Variants in GULP1 observed in about 807,000 individuals in gnomAD.
GULP1 encodes PTB domain-containing engulfment adapter protein 1.
GULP1 carries 19 observed loss-of-function variants against 40.9 expected under a neutral mutation model. The observed-to-expected ratio is 0.46, with a 90% CI of 0.32 to 0.68. The LOEUF (loss-of-function observed/expected upper bound fraction) is 0.68. Ranked by LOEUF, GULP1 falls within the 30% of genes least tolerant of loss-of-function variation. The probability of loss-of-function intolerance (pLI) is 0.03; values close to 1 mark genes in which losing one functional copy is unlikely to be tolerated. For missense variants in GULP1, 312 were observed against 362.2 expected, an observed-to-expected ratio of 0.86 and a Z score of 1.12; for synonymous variants, 119 against 117.6, an observed-to-expected ratio of 1.01 and a Z score of -0.08.
intron 2 of GULP1, among the ~76,000 whole-genome samples, chr2:188,444,383 A>C (rs1156296686): frequency 6.6e-6 from 1 of 152,218 alleles, no homozygotes; most frequent in Non-Finnish European, 1.5e-5. Flanking sequence ...CATGATAAAT[A>C]TGTACAATTT....
In GULP1 at chr2:188,595,689, TCAATGGTAACA is replaced by T. The variant is rs1208863854; in HGVS notation, c.*1685_*1695del. The T allele has an allele frequency of 3.9e-5, 6 of 152,202 alleles. No individual in the cohort carries two copies. Among genetic ancestry groups the T allele is most frequent in the African/African-American group, 1.4e-4 (6 of 41,416 alleles). The allele number at this position is 152,202 out of a possible 1,614,324, so 9.4% of individuals were successfully genotyped here. On this transcript the variant is annotated 3_prime_UTR_variant, in exon 12 of 12. Coordinates refer to ENST00000409830, the MANE Select transcript of GULP1 (RefSeq NM_016315.4). ...GTATATATTTAGTGGCCATTTATTA[TCAATGGTAACA>T]CAATGGAGTACTAAGATGGTATTTG...
At position 188,316,494 on chromosome 2, in the gene GULP1, C is replaced by G. The variant is rs189627239; in HGVS notation, c.-172+24328C>G. Among the ~76,000 whole-genome samples, 370 of 152,252 alleles carry G rather than the reference C, an allele frequency of 2.4e-3. 1 individual carries two copies. Among genetic ancestry groups the G allele is most frequent in the African/African-American group, 7.9e-3 (329 of 41,564 alleles). ...ATTTCATATAAAGGAAGAGTAATTA[C>G]TTGGGAAGTCCCACATGGTATGGCC... is the stretch of plus-strand genomic sequence containing the variant. On this transcript the variant is annotated intron_variant, in intron 1 of 11. Transcript: ENST00000409830.
intron 4 of GULP1, among the ~76,000 whole-genome samples, chr2:188,519,813 C>A: frequency 6.6e-6 from 1 of 151,336 alleles, no homozygotes; most frequent in East Asian, 1.9e-4. Flanking sequence ...GATTCTTTCT[C>A]TTTTTTTTTA....
chr2:188,553,781 C>T (rs1017684610), intron 7 of GULP1, among the ~76,000 whole-genome samples: 1 of 151,878 alleles, frequency 6.6e-6, no homozygotes, highest in East Asian at 1.9e-4. Flanking sequence ...CATCTAGTCC[C>T]GAGCTTTTCT....
At chr2:188,396,866 T>C (rs1342550035) in intron 2 of GULP1, among the ~76,000 whole-genome samples, 1 of 152,238 alleles carries the variant, frequency 6.6e-6, no homozygotes, top group Non-Finnish European at 1.5e-5. Context: ...TGCTGGAGAC[T>C]GGGAATGCAC....
intron 2 of GULP1, among the ~76,000 whole-genome samples, chr2:188,475,924 T>G (rs992725407): frequency 1.3e-5 from 2 of 152,240 alleles, no homozygotes; most frequent in Admixed American, 6.5e-5. Flanking sequence ...GCATAATTTC[T>G]TGGTCTATTG....
At chr2:188,582,613 C>T in intron 9 of GULP1, 1 of 432,600 alleles carries the variant, frequency 2.3e-6, no homozygotes, top group Admixed American at 2.7e-5. Flanking sequence ...ACTTATTTTG[C>T]TTAAATTCTG....
At chr2:188,561,091 T>C (rs1432150291) in intron 7 of GULP1, among the ~76,000 whole-genome samples, 3 of 152,148 alleles carry the variant, frequency 2.0e-5, no homozygotes, top group African/African-American at 7.2e-5. Context: ...TTGCAGATAT[T>C]AGGGGAGGTT....
intron 5 of GULP1, among the ~76,000 whole-genome samples, chr2:188,525,154 A>G (rs1305723595): frequency 3.3e-5 from 5 of 152,008 alleles, no homozygotes; most frequent in African/African-American, 1.2e-4. Context: ...TATAAGTATT[A>G]ACCTTTTAAG....
chr2:188,312,922 G>C (rs144416500), intron 1 of GULP1, among the ~76,000 whole-genome samples: 23,004 of 152,114 alleles, frequency 0.15, 1,896 homozygotes, highest in African/African-American at 0.17. Flanking sequence ...GTCTTCTTTT[G>C]AGAAGTGTCT....
chr2:188,500,449 G>A (rs920326777), intron 4 of GULP1, among the ~76,000 whole-genome samples: 3 of 151,886 alleles, frequency 2.0e-5, no homozygotes, highest in African/African-American at 4.8e-5. Flanking sequence ...CACACCAGCT[G>A]TGGCAGTGTT....
intron 2 of GULP1, among the ~76,000 whole-genome samples, chr2:188,399,881 A>G (rs906850300): frequency 6.6e-6 from 1 of 152,118 alleles, no homozygotes; most frequent in African/African-American, 2.4e-5. Context: ...TGCCTATCAT[A>G]TGTCAATTGC....
At chr2:188,484,335 T>G (rs1183166666) in intron 4 of GULP1, among the ~76,000 whole-genome samples, 1 of 152,154 alleles carries the variant, frequency 6.6e-6, no homozygotes, top group East Asian at 1.9e-4. Context: ...CATTTGTTGT[T>G]GAAAAAAATG....
At chr2:188,519,469 A>T (rs1575742821) in intron 4 of GULP1, among the ~76,000 whole-genome samples, 1 of 152,320 alleles carries the variant, frequency 6.6e-6, no homozygotes, top group East Asian at 1.9e-4. Flanking sequence ...CTTCTAGTTC[A>T]ATAATTACTT....
intron 2 of GULP1, among the ~76,000 whole-genome samples, chr2:188,419,237 A>G (rs747752292): frequency 7.9e-5 from 12 of 152,050 alleles, no homozygotes; most frequent in Admixed American, 3.3e-4. Flanking sequence ...TTTCTAGAAC[A>G]TATAATAGTT....
chr2:188,328,817 T>G (rs2041130500), intron 1 of GULP1, among the ~76,000 whole-genome samples: 1 of 152,162 alleles, frequency 6.6e-6, no homozygotes, highest in Non-Finnish European at 1.5e-5. Context: ...GAGGCCTTAC[T>G]TGGTTTATTC....
chr2:188,297,437 G>C, intron 1 of GULP1: 2 of 457,418 alleles, frequency 4.4e-6, no homozygotes, highest in Non-Finnish European at 9.0e-6. Context: ...TGTTTTCCTG[G>C]TATGGTACAG....
At chr2:188,382,254 C>A (rs1008707279) in intron 1 of GULP1, among the ~76,000 whole-genome samples, 2 of 152,056 alleles carry the variant, frequency 1.3e-5, no homozygotes, top group Non-Finnish European at 2.9e-5. Flanking sequence ...TGGGAGCAAC[C>A]CTCAGCTAAT....
intron 1 of GULP1, among the ~76,000 whole-genome samples, chr2:188,295,338 C>CAT (rs1271181861): frequency 6.6e-6 from 1 of 152,174 alleles, no homozygotes; most frequent in East Asian, 1.9e-4. Context: ...TTGTTGCATG[C>CAT]ATATCATGCA....
Sources: allele counts gnomAD v4.1 joint callset (sites outside exome capture counted in the v4.1 genomes callset), GRCh38; gene constraint gnomAD v4.1.1; transcripts MANE v1.5; gene names NCBI Gene and HGNC (gene_info 2026-07-23, HGNC 2026-07-21).